The following RAB3GAP2 variants were observed in gnomAD, a reference collection of about 807,000 sequenced individuals.
RAB3GAP2 encodes the protein RAB3 GTPase activating non-catalytic protein subunit 2.
A neutral mutation model predicts 185.3 loss-of-function variants in RAB3GAP2; 87 were observed. That is an observed-to-expected ratio of 0.47 (90% CI 0.39 to 0.56). RAB3GAP2 has a LOEUF of 0.56. RAB3GAP2 is among the 20% of genes least tolerant of loss of function. RAB3GAP2 has a pLI of 0.00. For synonymous variants in RAB3GAP2, 554 were observed against 576.1 expected, an observed-to-expected ratio of 0.96 and a Z score of 0.55; for missense variants, 1,492 against 1,638.2, an observed-to-expected ratio of 0.91 and a Z score of 1.54.
intron 1 of RAB3GAP2, among the ~76,000 whole-genome samples, chr1:220,237,932 A>G (rs983295745): frequency 6.6e-6 from 1 of 152,090 alleles, no homozygotes; most frequent in Non-Finnish European, 1.5e-5. Flanking sequence ...AATATAGTTG[A>G]TCAGAATACA....
At chr1:220,232,766 T>A (rs1011574360) in intron 2 of RAB3GAP2, 33 bp downstream of exon 2, 2 of 1,560,252 alleles carry the variant, frequency 1.3e-6, no homozygotes, top group Admixed American at 3.3e-5. Context: ...AATGCCACTA[T>A]CAAAAAACAT....
rs766121741 is a variant in RAB3GAP2, at chr1:220,211,677, G to A, written c.387-675C>T. Among the ~76,000 whole-genome samples, 4 of 152,128 alleles carry A rather than the reference G, an allele frequency of 2.6e-5. No individual in the cohort carries two copies. The South Asian group carries it at 8.3e-4, about 31-fold the overall frequency. Reference sequence around the variant, plus strand: ...AAAATCAAAACAACTCCTACCCACTGACTTTTGTTAAATCTGTCAAACCTG... The same window carrying A: ...AAAATCAAAACAACTCCTACCCACTAACTTTTGTTAAATCTGTCAAACCTG... On this transcript the variant is annotated intron_variant, in intron 4 of 34. Transcript: ENST00000358951.
intron 4 of RAB3GAP2, among the ~76,000 whole-genome samples, chr1:220,211,850 T>C (rs1177508807): frequency 6.6e-6 from 1 of 152,230 alleles, no homozygotes; most frequent in African/African-American, 2.4e-5. Flanking sequence ...AGATCAAATG[T>C]CTTTAAAACA....
chr1:220,214,066 G>GA, intron 2 of RAB3GAP2, 87 bp from the exon 3 acceptor site: 50 of 1,236,384 alleles, frequency 4.0e-5, no homozygotes, highest in Non-Finnish European at 5.2e-5. Flanking sequence ...TGAGAGGGAA[G>GA]AAAAAAAAGA....
chr1:220,154,123 T>G (rs1657814365), intron 31 of RAB3GAP2, 66 bp from the exon 32 acceptor site: 1 of 1,594,302 alleles, frequency 6.3e-7, no homozygotes, highest in African/African-American at 1.3e-5. Flanking sequence ...GGAGAAAGAT[T>G]TGTTTAAAAC....
chr1:220,252,508 G>C (rs1372266731), intron 1 of RAB3GAP2, among the ~76,000 whole-genome samples: 1 of 152,166 alleles, frequency 6.6e-6, no homozygotes, highest in Non-Finnish European at 1.5e-5. Flanking sequence ...TCTTGCACTG[G>C]GACTGACTGG....
chr1:220,221,828 T>C (rs972920068), intron 2 of RAB3GAP2, among the ~76,000 whole-genome samples: 2 of 152,254 alleles, frequency 1.3e-5, no homozygotes, highest in East Asian at 1.9e-4. Flanking sequence ...GCTGGCATTA[T>C]AGGGACTGGT....
intron 14 of RAB3GAP2, 46 bp from the exon 15 acceptor site, chr1:220,190,566 G>T (rs961697428): frequency 5.2e-6 from 8 of 1,543,618 alleles, no homozygotes; most frequent in Non-Finnish European, 7.2e-6. Flanking sequence ...AGAACAAGGA[G>T]AAATGCCAAA....
At chr1:220,165,632 A>G (rs1658048789) in intron 26 of RAB3GAP2, among the ~76,000 whole-genome samples, 2 of 152,290 alleles carry the variant, frequency 1.3e-5, no homozygotes, top group South Asian at 4.1e-4. Flanking sequence ...ATGGGGCAAG[A>G]TGAATATTTA....
chr1:220,239,569 A>T (rs552593882), intron 1 of RAB3GAP2, among the ~76,000 whole-genome samples: 6 of 152,102 alleles, frequency 3.9e-5, no homozygotes, highest in Admixed American at 1.3e-4. Flanking sequence ...AATATTAATA[A>T]TTTTTTTCTA....
rs1659068845 is a variant in RAB3GAP2, at chr1:220,210,814, C to T, written c.497G>A (p.Arg166His). ...AACTCAACTCACCTCAGTGTAGAAGCGTACATAACCTGAAGTAAAACCCAC... is the reference window on the plus strand; with the variant it reads ...AACTCAACTCACCTCAGTGTAGAAGTGTACATAACCTGAAGTAAAACCCAC... ...IVVGFTSGYVRFYTENGVLLL... is the reference protein window; with the variant it reads ...IVVGFTSGYVHFYTENGVLLL... The change falls in exon 6 of 35, where the codon CGC (arginine) becomes CAC (histidine). Residue 166 changes from arginine (R) to histidine (H), a missense_variant. Arg to His is a conservative substitution (Grantham distance 29). This residue lies in a region of RAB3GAP2 where 243 missense variants were observed against 314.8 expected (regional missense o/e 0.77). Transcript: ENST00000358951. 6 of 1,613,242 alleles carry T rather than the reference C, an allele frequency of 3.7e-6. No homozygotes were observed. Among genetic ancestry groups the T allele is most frequent in the Middle Eastern group, 1.7e-4 (1 of 6,060 alleles).
At chr1:220,153,758 C>G (rs941630222) in intron 32 of RAB3GAP2, 7 of 548,282 alleles carry the variant, frequency 1.3e-5, no homozygotes, top group African/African-American at 5.7e-5. Flanking sequence ...CCCTTCCCCC[C>G]ACCCCACGAC....
At chr1:220,246,769 G>A (rs1355655713) in intron 1 of RAB3GAP2, among the ~76,000 whole-genome samples, 7 of 123,008 alleles carry the variant, frequency 5.7e-5, no homozygotes, top group South Asian at 3.2e-4. Flanking sequence ...GAGGACTGTC[G>A]TGGGGTGGGG....
Position 220,203,925 on chromosome 1 carries a change from T to C in RAB3GAP2, c.713-1551A>G, listed in dbSNP as rs569293245. Among the ~76,000 whole-genome samples, 25 of 152,220 alleles carry C rather than the reference T, an allele frequency of 1.6e-4. No homozygotes were observed. In the East Asian group the frequency reaches 4.3e-3, roughly 26 times the overall value. Reference sequence around the variant, plus strand: ...GCTGCATTTAGACTAGATTTAGAAATAATTTCAGATCCCAATTTTACAGTT... The same window carrying C: ...GCTGCATTTAGACTAGATTTAGAAACAATTTCAGATCCCAATTTTACAGTT... On this transcript the variant is annotated intron_variant, in intron 8 of 34. Transcript: ENST00000358951.
At position 220,172,016 on chromosome 1, in the gene RAB3GAP2, A is replaced by T. The variant is rs748019487; in HGVS notation, c.2450T>A (p.Val817Glu). The change falls in exon 23 of 35, where the codon GTG becomes GAG. Residue 817 changes from valine to glutamate, a missense_variant. Around this residue, in one of 5 missense-constraint regions of RAB3GAP2, gnomAD observed 681 missense variants for 689.1 expected, o/e 0.99. Coordinates refer to ENST00000358951, the MANE Select transcript of RAB3GAP2 (RefSeq NM_012414.4). ...GCGCATCTGCTGCCACCATGGGGAC[A>T]CAGACTGAGAATCCCAGGTCTCATC... ...AIDETWDSQS[V>E]SPWWQQMRTA... 2 of 1,614,218 alleles carry T rather than the reference A, an allele frequency of 1.2e-6. No individual in the cohort carries two copies. Among genetic ancestry groups the T allele is most frequent in the Non-Finnish European group, 1.7e-6 (2 of 1,180,038 alleles).
chr1:220,169,185 T>C (rs1361684891), intron 24 of RAB3GAP2, among the ~76,000 whole-genome samples: 1 of 152,190 alleles, frequency 6.6e-6, no homozygotes, highest in African/African-American at 2.4e-5. Flanking sequence ...TTATAAAGAA[T>C]GAGAAAAGAA....
Position 220,168,417 on chromosome 1 carries a change from G to A in RAB3GAP2, c.2807-742C>T, listed in dbSNP as rs566033971. ...AATATTCCTTTTTTTTTTTTTTTGA[G>A]ACAGAGTTTCGCTCTTGTTGTCCAG... On this transcript the variant is annotated intron_variant, in intron 24 of 34. Transcript: ENST00000358951. Among the ~76,000 whole-genome samples, 3 of 146,410 alleles carry A rather than the reference G, an allele frequency of 2.0e-5. No individual in the cohort carries two copies. The South Asian group carries it at 6.5e-4, about 31-fold the overall frequency.
At chr1:220,178,313 A>C (rs189953859) in intron 21 of RAB3GAP2, among the ~76,000 whole-genome samples, 4 of 152,338 alleles carry the variant, frequency 2.6e-5, no homozygotes, top group Admixed American at 2.0e-4. Context: ...TAGACACTAA[A>C]GGGAGTTCTC....
At position 220,242,137 on chromosome 1, in the gene RAB3GAP2, GA is replaced by G. The variant is rs1329636224; in HGVS notation, c.116-9275del. Among the ~76,000 whole-genome samples the G allele has an allele frequency of 5.3e-5, 8 of 152,102 alleles. No individual in the cohort carries two copies. In the East Asian group the frequency reaches 1.4e-3, roughly 26 times the overall value. The stretch of plus-strand genomic sequence containing the variant: ...TGTTTTTCTTCAAAGTACACACAGA[GA>G]AAGTCTGATAATAATTTTAACAATA... On this transcript the variant is annotated intron_variant, in intron 1 of 34. Transcript: ENST00000358951.
Sources: gnomAD v4.1 joint callset for allele counts (sites outside exome capture counted in the v4.1 genomes callset) on GRCh38, gnomAD v4.1.1 for gene constraint, gnomAD v4.1.1 regional missense constraint, MANE v1.5 for transcripts, NCBI Gene and HGNC (gene_info 2026-07-23, HGNC 2026-07-21) for gene names.